SRRM4: variants seen among roughly 807,000 people sequenced by gnomAD.
SRRM4 encodes serine/arginine repetitive matrix protein 4.
Under a neutral mutation model 68.9 loss-of-function variants are expected in SRRM4, and 33 were observed. The observed-to-expected ratio is 0.48, with a 90% CI of 0.36 to 0.64. SRRM4 has a LOEUF of 0.64. Among genes scored for constraint, SRRM4 ranks in the 30% least tolerant of loss-of-function variants. SRRM4 has a pLI of 0.00. For missense variants in SRRM4, 817 were observed against 827.1 expected (o/e 0.99, Z 0.15); for synonymous variants, 318 against 318.8 (o/e 1.00, Z 0.03).
intron 1 of SRRM4, among the ~76,000 whole-genome samples, chr12:118,996,556 C>T (rs1232688746): frequency 6.6e-6 from 1 of 152,014 alleles, no homozygotes. Flanking sequence ...AGTGACTTGC[C>T]CAAGGTCATG....
intron 1 of SRRM4, among the ~76,000 whole-genome samples, chr12:119,058,882 C>T (rs1425634961): frequency 6.6e-6 from 1 of 152,210 alleles, no homozygotes; most frequent in Non-Finnish European, 1.5e-5. Context: ...TTGGTGTCTT[C>T]CACCCCATCT....
chr12:118,986,876 A>G (rs1953285641), intron 1 of SRRM4, among the ~76,000 whole-genome samples: 1 of 152,130 alleles, frequency 6.6e-6, no homozygotes, highest in African/African-American at 2.4e-5. Context: ...CTCTTCAGGC[A>G]TGCTGCAGAA....
chr12:119,105,833 C>T (rs1241629964), intron 2 of SRRM4, among the ~76,000 whole-genome samples: 2 of 152,106 alleles, frequency 1.3e-5, no homozygotes, highest in Non-Finnish European at 2.9e-5. Context: ...TAATTAGATC[C>T]CATTTGTCAA....
intron 1 of SRRM4, among the ~76,000 whole-genome samples, chr12:118,982,661 T>G (rs1953255071): frequency 1.8e-5 from 2 of 109,804 alleles, no homozygotes; most frequent in South Asian, 2.9e-4. Flanking sequence ...TTGGAAGAGT[T>G]TTATTTTGTT....
At chr12:118,988,524 A>G (rs993311160) in intron 1 of SRRM4, among the ~76,000 whole-genome samples, 40 of 152,216 alleles carry the variant, frequency 2.6e-4, no homozygotes, top group African/African-American at 9.6e-4. Context: ...TCTAGTCTGC[A>G]TTCCATGAAC....
intron 10 of SRRM4, 43 bp from the exon 11 acceptor site, chr12:119,153,496 G>A (rs1477998067): frequency 3.7e-6 from 5 of 1,339,912 alleles, no homozygotes; most frequent in African/African-American, 2.9e-5. Context: ...TAACCCAGGC[G>A]GACACTCAGC....
At position 119,160,770 on chromosome 12, in the gene SRRM4, A is replaced by T. The variant is rs971080550; in HGVS notation, c.*3972A>T. 5 of 152,224 alleles carry T rather than the reference A, an allele frequency of 3.3e-5. No homozygotes were observed. The highest frequency in any genetic ancestry group is 5.9e-5 in the Non-Finnish European group (4 of 68,048). 9.4% of individuals were successfully genotyped at this position (152,224 alleles called of 1,614,324 possible). On this transcript the variant is annotated 3_prime_UTR_variant, in exon 13 of 13. Transcript: ENST00000267260. ...GGGAGCTTCACTGAGACTCAGAGGG[A>T]AAAGGAAAAGAGCCTCAAACATTTT... is the stretch of plus-strand genomic sequence containing the variant.
intron 1 of SRRM4, among the ~76,000 whole-genome samples, chr12:119,013,611 T>G (rs769027789): frequency 6.6e-5 from 10 of 152,190 alleles, no homozygotes; most frequent in Non-Finnish European, 1.3e-4. Context: ...AAACTTGCCT[T>G]TTCTTCTTAA....
chr12:119,058,214 T>G (rs914815210), intron 1 of SRRM4, among the ~76,000 whole-genome samples: 1 of 152,226 alleles, frequency 6.6e-6, no homozygotes, highest in Non-Finnish European at 1.5e-5. Context: ...TGGGATGTAC[T>G]AAAATACATA....
At chr12:119,120,531 TTAC>T (rs59057088) in intron 5 of SRRM4, among the ~76,000 whole-genome samples, 107,020 of 151,594 alleles carry the variant, frequency 0.71, 38,166 homozygotes, top group African/African-American at 0.79. Flanking sequence ...GAATGTCTCA[TTAC>T]TACCCCTGCC....
chr12:119,004,000 TTTAA>T (rs1223886481), intron 1 of SRRM4, among the ~76,000 whole-genome samples: 1 of 152,096 alleles, frequency 6.6e-6, no homozygotes, highest in African/African-American at 2.4e-5. Context: ...TGATCAGTTA[TTTAA>T]TTAATAAAAA....
Position 119,130,801 on chromosome 12 carries a change from C to T in SRRM4, c.738C>T (p.Leu246=), listed in dbSNP as rs1954292836. The change falls in exon 8 of 13, where the codon CTC becomes CTT. Residue 246 remains leucine, a synonymous_variant. Transcript: ENST00000267260. ...AQSSRPPSQP[L]QMLGYLSARG... ...CCAGTCGCCCGCCCAGTCAACCCCTCCAGATGCTTGGCTACCTGTCAGCCA... is the reference window on the plus strand; with the variant it reads ...CCAGTCGCCCGCCCAGTCAACCCCTTCAGATGCTTGGCTACCTGTCAGCCA... The T allele has an allele frequency of 6.2e-7, 1 of 1,607,572 alleles. No individual in the cohort carries two copies. The highest frequency in any genetic ancestry group is 1.7e-5 in the Admixed American group (1 of 59,952).
chr12:119,047,913 T>G (rs1953717673), intron 1 of SRRM4, among the ~76,000 whole-genome samples: 1 of 152,144 alleles, frequency 6.6e-6, no homozygotes, highest in African/African-American at 2.4e-5. Context: ...GGAAGACACA[T>G]GACAAGGAAG....
At chr12:119,020,100 T>C (rs1953507001) in intron 1 of SRRM4, among the ~76,000 whole-genome samples, 2 of 152,048 alleles carry the variant, frequency 1.3e-5, no homozygotes, top group African/African-American at 4.8e-5. Flanking sequence ...CAGCCCTCAC[T>C]TTCCTTCTCA....
chr12:119,050,149 C>A (rs904951044), intron 1 of SRRM4, among the ~76,000 whole-genome samples: 3 of 152,152 alleles, frequency 2.0e-5, no homozygotes, highest in African/African-American at 4.8e-5. Context: ...GTGACAGCAA[C>A]CCTCTCCCAC....
chr12:119,083,309 T>C (rs1050924958), intron 1 of SRRM4, among the ~76,000 whole-genome samples: 2 of 152,040 alleles, frequency 1.3e-5, no homozygotes, highest in African/African-American at 2.4e-5. Flanking sequence ...TTCAGCTTGA[T>C]CACCTCCTGT....
intron 1 of SRRM4, chr12:119,037,081 C>G (rs1030945991): frequency 6.6e-6 from 1 of 152,092 alleles, no homozygotes; most frequent in African/African-American, 2.4e-5. Flanking sequence ...GGTCCACGCC[C>G]CCTGCTGGTG....
At chr12:119,007,748 G>A (rs1460826882) in intron 1 of SRRM4, among the ~76,000 whole-genome samples, 5 of 152,084 alleles carry the variant, frequency 3.3e-5, no homozygotes, top group Non-Finnish European at 5.9e-5. Flanking sequence ...CTCTTTTTTG[G>A]TTAGAGGGAG....
At chr12:119,107,782 T>C (rs962847080) in intron 2 of SRRM4, among the ~76,000 whole-genome samples, 64 of 152,348 alleles carry the variant, frequency 4.2e-4, no homozygotes, top group Admixed American at 5.2e-4. Context: ...CCTGGATTCA[T>C]TGATTTTTTG....
Sources: gnomAD v4.1 joint callset for allele counts (sites outside exome capture counted in the v4.1 genomes callset) on GRCh38, gnomAD v4.1.1 for gene constraint, MANE v1.5 for transcripts, NCBI Gene and HGNC (gene_info 2026-07-23, HGNC 2026-07-21) for gene names.